Variants in RALGPS1 observed in about 807,000 individuals in gnomAD.
RALGPS1 encodes the protein Ral GEF with PH domain and SH3 binding motif 1, also known as ras-specific guanine nucleotide-releasing factor RalGPS1.
RALGPS1 carries 19 observed loss-of-function variants against 78.8 expected under a neutral mutation model. The ratio of observed to expected loss-of-function variants is 0.24; its 90% CI spans 0.17 to 0.35. The LOEUF (loss-of-function observed/expected upper bound fraction) is 0.35, where lower values mean the gene tolerates loss of function less well. Ranked by LOEUF, RALGPS1 falls within the 10% of genes least tolerant of loss-of-function variation. RALGPS1 has a pLI of 1.00. For missense variants in RALGPS1, 454 were observed against 688.3 expected (o/e 0.66, Z 3.81); for synonymous variants, 228 against 256.3 (o/e 0.89, Z 1.06).
chr9:127,184,326 A>G, intron 11 of RALGPS1: 4 of 343,660 alleles, frequency 1.2e-5, no homozygotes, highest in South Asian at 2.6e-5. Context: ...TCTCAGGAAA[A>G]AAAAAAAAAA....
At chr9:127,202,300 C>T (rs1004405040) in intron 14 of RALGPS1, among the ~76,000 whole-genome samples, 1 of 152,192 alleles carries the variant, frequency 6.6e-6, no homozygotes, top group Admixed American at 6.5e-5. Context: ...TGAGACTCTG[C>T]ATGCCCGTCT....
chr9:127,217,198 A>C, intron 18 of RALGPS1: 1 of 1,231,356 alleles, frequency 8.1e-7, no homozygotes, highest in Non-Finnish European at 1.0e-6. Flanking sequence ...GCAAGGCTAC[A>C]AGTTTTAAGG....
At chr9:127,063,329 C>T (rs2049380872) in intron 7 of RALGPS1, among the ~76,000 whole-genome samples, 2 of 152,176 alleles carry the variant, frequency 1.3e-5, no homozygotes. Context: ...AGATTTGTGA[C>T]CTTCCTGGCT....
chr9:127,091,584 G>GT lies in RALGPS1; in HGVS notation c.610+22231dup. The GT allele has an allele frequency of 6.6e-7, 1 of 1,523,790 alleles. No individual in the cohort carries two copies. Among genetic ancestry groups the GT allele is most frequent in the Non-Finnish European group, 8.8e-7 (1 of 1,134,482 alleles). 94.4% of individuals were successfully genotyped at this position (1,523,790 alleles called of 1,614,324 possible). A position where few individuals can be genotyped will look rare whatever the true frequency, so the allele number is the denominator to read the frequency against. ...CTGCTTCTCACCCTGGGATCTTCCC[G>GT]TTTCCAAGCCCTGGAGTCAGGGGCT... On this transcript the variant is annotated intron_variant, in intron 8 of 18. Coordinates refer to ENST00000259351, the MANE Select transcript of RALGPS1 (RefSeq NM_014636.3). The surrounding 1 kb of genome is among the most constrained non-coding windows in gnomAD (Gnocchi z 4.3).
chr9:127,104,409 G>GA (rs1403928601), intron 8 of RALGPS1, among the ~76,000 whole-genome samples: 16 of 152,330 alleles, frequency 1.1e-4, no homozygotes, highest in Admixed American at 8.5e-4. Context: ...GCCTCTTAGA[G>GA]AATGACCCCT....
intron 8 of RALGPS1, among the ~76,000 whole-genome samples, chr9:127,112,879 A>G (rs886376993): frequency 1.8e-4 from 28 of 152,360 alleles, no homozygotes; most frequent in Admixed American, 1.6e-3. Context: ...GACCCTTCAC[A>G]TCAACATTCT....
chr9:126,966,083 C>T (rs562317092), intron 3 of RALGPS1, 132 bp downstream of exon 3: 24 of 655,438 alleles, frequency 3.7e-5, no homozygotes, highest in Admixed American at 1.0e-4. Context: ...GAGTAAAGTC[C>T]GTACCACCCT....
intron 4 of RALGPS1, among the ~76,000 whole-genome samples, chr9:126,999,376 T>G (rs527829657): frequency 3.9e-5 from 6 of 152,286 alleles, no homozygotes; most frequent in Admixed American, 1.3e-4. Flanking sequence ...ATTCGTGGTG[T>G]TGTGCATTCT....
At chr9:126,982,928 C>CTTTTTTTT (rs71377984) in intron 4 of RALGPS1, among the ~76,000 whole-genome samples, 23 of 34,594 alleles carry the variant, frequency 6.6e-4, no homozygotes, top group Non-Finnish European at 1.3e-3. Flanking sequence ...TCTTCTTCTT[C>CTTTTTTTT]TTTTTTTTTT....
chr9:126,965,598 C>T lies in RALGPS1; in HGVS notation c.58-246C>T, dbSNP rs550697843. Among the ~76,000 whole-genome samples, 5 of 152,334 alleles carry T rather than the reference C, an allele frequency of 3.3e-5. No homozygotes were observed. In the South Asian group the frequency reaches 1.0e-3, roughly 32 times the overall value. ...CCTTGGAGAAGTAACATTGCCTCTACTTCCTTCTCTATAAAATGGGAACAA... is the reference window on the plus strand; with the variant it reads ...CCTTGGAGAAGTAACATTGCCTCTATTTCCTTCTCTATAAAATGGGAACAA... On this transcript the variant is annotated intron_variant, in intron 2 of 18. Coordinates refer to ENST00000259351, the MANE Select transcript of RALGPS1 (RefSeq NM_014636.3).
chr9:127,018,742 A>G (rs1189041182), intron 4 of RALGPS1, among the ~76,000 whole-genome samples: 1 of 152,036 alleles, frequency 6.6e-6, no homozygotes, highest in Non-Finnish European at 1.5e-5. Context: ...AGTATTATGT[A>G]CTGTATATAA....
chr9:127,193,537 C>G (rs1220796459), intron 11 of RALGPS1, among the ~76,000 whole-genome samples: 1 of 152,136 alleles, frequency 6.6e-6, no homozygotes, highest in Non-Finnish European at 1.5e-5. Flanking sequence ...GGAGGTGATG[C>G]AAGTGCCCTT....
chr9:127,161,127 G>T (rs373444003), intron 8 of RALGPS1, among the ~76,000 whole-genome samples: 5 of 152,278 alleles, frequency 3.3e-5, no homozygotes, highest in African/African-American at 9.6e-5. Flanking sequence ...AATAGGAGCT[G>T]AGATGTCCAG....
chr9:126,921,305 C>G (rs1007256663), intron 1 of RALGPS1, among the ~76,000 whole-genome samples: 1 of 152,228 alleles, frequency 6.6e-6, no homozygotes, highest in African/African-American at 2.4e-5. Context: ...GATATTATGG[C>G]TCCAGGGCTA....
At position 127,039,703 on chromosome 9, in the gene RALGPS1, A is replaced by G. The variant is rs1191722115; in HGVS notation, c.300+5189A>G. On this transcript the variant is annotated intron_variant, in intron 5 of 18. Coordinates refer to ENST00000259351, the MANE Select transcript of RALGPS1 (RefSeq NM_014636.3). ...CAGTGTAAGAGATGAGTCAGCAGAA[A>G]GGAAAGGGGCAGATGTAGACCCATT... Among the ~76,000 whole-genome samples, 4 of 152,190 alleles carry G rather than the reference A, an allele frequency of 2.6e-5. No individual in the cohort carries two copies. In the East Asian group the frequency reaches 7.7e-4, roughly 29 times the overall value.
intron 8 of RALGPS1, among the ~76,000 whole-genome samples, chr9:127,085,318 A>G (rs1335494897): frequency 6.6e-6 from 1 of 152,204 alleles, no homozygotes; most frequent in African/African-American, 2.4e-5. Flanking sequence ...ACCATGGCGA[A>G]CTTAGTAATA....
intron 1 of RALGPS1, among the ~76,000 whole-genome samples, chr9:126,932,240 A>G (rs2035859051): frequency 6.6e-6 from 1 of 152,210 alleles, no homozygotes; most frequent in Non-Finnish European, 1.5e-5. Flanking sequence ...GGAAAAAGAC[A>G]ATATTATGTT....
chr9:127,217,961 A>AT (rs1322448317), intron 18 of RALGPS1: 2 of 152,210 alleles, frequency 1.3e-5, no homozygotes, highest in African/African-American at 4.8e-5. Context: ...CTTTTTTGCT[A>AT]TAGTGAACAG....
At chr9:127,169,128 C>T (rs1184346968) in intron 10 of RALGPS1, among the ~76,000 whole-genome samples, 1 of 152,172 alleles carries the variant, frequency 6.6e-6, no homozygotes, top group Admixed American at 6.5e-5. Flanking sequence ...ATGGCACAGG[C>T]GTGGTGCTCT....
Sources: gnomAD v4.1 joint callset for allele counts (sites outside exome capture counted in the v4.1 genomes callset) on GRCh38, gnomAD v4.1.1 for gene constraint, Gnocchi (gnomAD v3.1) non-coding constraint, MANE v1.5 for transcripts, NCBI Gene and HGNC (gene_info 2026-07-23, HGNC 2026-07-21) for gene names.